Variants in VMP1 observed in about 807,000 individuals in gnomAD.
VMP1 encodes the protein vacuole membrane protein 1.
VMP1 carries 11 observed loss-of-function variants against 56.0 expected under a neutral mutation model. The observed-to-expected ratio is 0.20, with a 90% CI of 0.12 to 0.32. VMP1 has a LOEUF of 0.32. Among genes scored for constraint, VMP1 ranks in the 10% least tolerant of loss-of-function variants. VMP1 has a pLI of 1.00. For synonymous variants in VMP1, 149 were observed against 165.0 expected (o/e 0.90, Z 0.74); for missense variants, 296 against 490.3 (o/e 0.60, Z 3.74).
At chr17:59,826,870 G>A (rs2038660895) in intron 10 of VMP1, among the ~76,000 whole-genome samples, 1 of 152,186 alleles carries the variant, frequency 6.6e-6, no homozygotes. Flanking sequence ...TCATTTGCTG[G>A]AAGTTGGAAA....
intron 10 of VMP1, among the ~76,000 whole-genome samples, chr17:59,819,985 C>T (rs2038383689): frequency 6.6e-6 from 1 of 152,234 alleles, no homozygotes; most frequent in Admixed American, 6.5e-5. Context: ...CTTGTTTCAT[C>T]TACCGATATA....
chr17:59,824,120 A>G (rs765019320), intron 10 of VMP1, among the ~76,000 whole-genome samples: 36 of 151,798 alleles, frequency 2.4e-4, no homozygotes, highest in Non-Finnish European at 3.7e-4. Context: ...GCATGGTGGC[A>G]GGCACCTGTC....
At chr17:59,774,686 TGTTA>T (rs1288004330) in intron 7 of VMP1, among the ~76,000 whole-genome samples, 15 of 152,180 alleles carry the variant, frequency 9.9e-5, no homozygotes, top group East Asian at 1.9e-4. Context: ...TGTTTTGTTT[TGTTA>T]GTTTGTTTTT....
intron 10 of VMP1, among the ~76,000 whole-genome samples, chr17:59,832,522 C>A (rs906240924): frequency 1.7e-4 from 26 of 151,918 alleles, no homozygotes; most frequent in African/African-American, 5.6e-4. Flanking sequence ...AGTTCTATGT[C>A]CATTTGTTCT....
intron 7 of VMP1, among the ~76,000 whole-genome samples, chr17:59,791,828 A>T (rs1304545002): frequency 6.6e-6 from 1 of 152,188 alleles, no homozygotes; most frequent in Non-Finnish European, 1.5e-5. Context: ...TGTATTGAAG[A>T]TGACCTGCCA....
chr17:59,805,558 A>T (rs532022767), intron 7 of VMP1, among the ~76,000 whole-genome samples: 1 of 152,052 alleles, frequency 6.6e-6, no homozygotes, highest in Non-Finnish European at 1.5e-5. Context: ...AAATGCCATC[A>T]GTTTGAAATG....
At chr17:59,813,735 T>G (rs2038131939) in intron 9 of VMP1, among the ~76,000 whole-genome samples, 1 of 152,154 alleles carries the variant, frequency 6.6e-6, no homozygotes, top group African/African-American at 2.4e-5. Flanking sequence ...CCTTAATACC[T>G]AAGGAAAAAT....
At chr17:59,802,064 G>A (rs1046705579) in intron 7 of VMP1, among the ~76,000 whole-genome samples, 2 of 151,890 alleles carry the variant, frequency 1.3e-5, no homozygotes, top group African/African-American at 4.8e-5. Flanking sequence ...AGCTGGGCAT[G>A]GTGGCACGCA....
rs145117261 is a variant in VMP1 at position 59,712,534 on chromosome 17, A to G, written c.-27+4786A>G. Among the ~76,000 whole-genome samples, 620 of 152,320 alleles carry G rather than the reference A, an allele frequency of 4.1e-3. 1 individual carries two copies. The highest frequency in any genetic ancestry group is 7.2e-3 in the Non-Finnish European group (489 of 68,022). ...TATCTGTTCATTATCCAGTCAGTGA[A>G]CAAACATTTTGTGTCCCAGGCCTTA... On this transcript the variant is annotated intron_variant, in intron 1 of 11. Coordinates refer to ENST00000262291, the MANE Select transcript of VMP1 (RefSeq NM_030938.5).
intron 9 of VMP1, among the ~76,000 whole-genome samples, chr17:59,812,165 C>T (rs1377279001): frequency 6.6e-6 from 1 of 151,952 alleles, no homozygotes; most frequent in Non-Finnish European, 1.5e-5. Flanking sequence ...TTTGTTTTAC[C>T]AACCACAAGC....
At chr17:59,779,907 A>G (rs539971369) in intron 7 of VMP1, among the ~76,000 whole-genome samples, 1 of 152,348 alleles carries the variant, frequency 6.6e-6, no homozygotes, top group Middle Eastern at 3.4e-3. Flanking sequence ...TCCTAAAACT[A>G]AGATCTTCTA....
intron 5 of VMP1, among the ~76,000 whole-genome samples, chr17:59,748,846 C>A (rs1423520445): frequency 6.6e-6 from 1 of 151,630 alleles, no homozygotes; most frequent in Non-Finnish European, 1.5e-5. Flanking sequence ...CCAACTCTCC[C>A]ATAAAAGTTT....
At chr17:59,729,478 CAA>C (rs1222683335) in intron 1 of VMP1, among the ~76,000 whole-genome samples, 7 of 44,620 alleles carry the variant, frequency 1.6e-4, no homozygotes, top group Admixed American at 4.9e-4. Flanking sequence ...GACTCCATCT[CAA>C]AAAAAAAAAA....
At chr17:59,779,058 A>G (rs535784740) in intron 7 of VMP1, among the ~76,000 whole-genome samples, 29 of 152,306 alleles carry the variant, frequency 1.9e-4, no homozygotes, top group African/African-American at 6.7e-4. Flanking sequence ...AGGCTAAGCT[A>G]TGATGTTTGG....
intron 10 of VMP1, among the ~76,000 whole-genome samples, chr17:59,818,644 C>A (rs1598438302): frequency 6.6e-6 from 1 of 151,768 alleles, no homozygotes. Flanking sequence ...GTGGCACATG[C>A]CTGTAATCCC....
chr17:59,807,907 A>G (rs2037907357), intron 7 of VMP1, among the ~76,000 whole-genome samples: 1 of 152,058 alleles, frequency 6.6e-6, no homozygotes, highest in South Asian at 2.1e-4. Flanking sequence ...CTTATTAATA[A>G]AGCATTTACA....
At chr17:59,833,367 T>C (rs1321372736) in intron 10 of VMP1, among the ~76,000 whole-genome samples, 1 of 151,946 alleles carries the variant, frequency 6.6e-6, no homozygotes, top group Admixed American at 6.6e-5. Flanking sequence ...ATTGTAGAGG[T>C]AGAGAAATGA....
intron 10 of VMP1, among the ~76,000 whole-genome samples, chr17:59,821,639 G>A (rs190206014): frequency 4.8e-5 from 7 of 145,838 alleles, no homozygotes; most frequent in African/African-American, 1.3e-4. Context: ...CGAAACCTCC[G>A]CCTCCTGGGT....
chr17:59,710,737 G>A (rs1386370861), intron 1 of VMP1, among the ~76,000 whole-genome samples: 3 of 152,182 alleles, frequency 2.0e-5, no homozygotes, highest in African/African-American at 7.2e-5. Context: ...TGACGGAGGA[G>A]CCTTAACACG....
Sources: gnomAD v4.1 joint callset for allele counts (sites outside exome capture counted in the v4.1 genomes callset) on GRCh38, gnomAD v4.1.1 for gene constraint, MANE v1.5 for transcripts, NCBI Gene and HGNC (gene_info 2026-07-23, HGNC 2026-07-21) for gene names.